The following FOXN2 variants were observed in gnomAD, a reference collection of about 807,000 sequenced individuals.
FOXN2 encodes forkhead box N2.
FOXN2 carries 19 observed loss-of-function variants against 41.2 expected under a neutral mutation model. The ratio of observed to expected loss-of-function variants is 0.46; its 90% CI spans 0.32 to 0.68. The LOEUF (loss-of-function observed/expected upper bound fraction) is 0.68, where lower values mean the gene tolerates loss of function less well. Among genes scored for constraint, FOXN2 ranks in the 30% least tolerant of loss-of-function variants. The pLI, the probability that FOXN2 is intolerant of heterozygous loss-of-function variation, is 0.03. For missense variants in FOXN2, 587 were observed against 509.4 expected (o/e 1.15, Z -1.47); for synonymous variants, 195 against 176.8 (o/e 1.10, Z -0.82).
Position 48,375,572 on chromosome 2 carries a change from GT to G in FOXN2, c.*134del. On this transcript the variant is annotated 3_prime_UTR_variant, in exon 7 of 7. Coordinates refer to ENST00000340553, the MANE Select transcript of FOXN2 (RefSeq NM_002158.4). ...ACTTATTTCTTTCAAAACATTTTTG[GT>G]TTTTGGTTTTTAAAATTTTTATTAA... 22 of 1,006,084 alleles carry G rather than the reference GT, an allele frequency of 2.2e-5. No homozygotes were observed. The South Asian group carries it at 3.3e-4, about 15-fold the overall frequency. The allele number at this position is 1,006,084 out of a possible 1,614,324, so 62.3% of individuals were successfully genotyped here. A position where few individuals can be genotyped will look rare whatever the true frequency, so the allele number is the denominator to read the frequency against.
intron 2 of FOXN2, among the ~76,000 whole-genome samples, chr2:48,337,705 G>C (rs559605216): frequency 1.6e-4 from 25 of 152,082 alleles, no homozygotes; most frequent in Non-Finnish European, 2.6e-4. Context: ...AAGAAAGCTA[G>C]TATATAATTT....
intron 2 of FOXN2, among the ~76,000 whole-genome samples, chr2:48,336,308 C>T (rs1316880194): frequency 2.7e-5 from 4 of 148,838 alleles, no homozygotes; most frequent in Non-Finnish European, 5.9e-5. Context: ...CTCAGGAGGC[C>T]GAGGCAGGAG....
rs34552828 is a variant in FOXN2 at position 48,346,481 on chromosome 2, G to A, written c.267G>A (p.Glu89=). The A allele has an allele frequency of 2.9e-4, 464 of 1,614,146 alleles. 2 individuals are homozygous for A. In the African/African-American group the frequency reaches 5.6e-3, roughly 20 times the overall value. Residue 89 remains glutamate, a synonymous_variant, in exon 3 of 7, where the codon GAG becomes GAA. Transcript: ENST00000340553. ...LPIVSPLYDI[E]GDDVPSFGPA... ...TTGTTAGTCCATTGTATGACATAGA[G>A]GGAGATGATGTGCCATCCTTTGGAC...
chr2:48,345,865 C>T (rs1671062972), intron 2 of FOXN2, among the ~76,000 whole-genome samples: 1 of 151,996 alleles, frequency 6.6e-6, no homozygotes, highest in Non-Finnish European at 1.5e-5. Flanking sequence ...ATAGCCTGTC[C>T]ACTTTAAGTA....
intron 2 of FOXN2, among the ~76,000 whole-genome samples, chr2:48,330,966 G>T (rs953136651): frequency 5.9e-5 from 9 of 152,092 alleles, no homozygotes; most frequent in African/African-American, 1.4e-4. Flanking sequence ...TCTTCCTCAG[G>T]CCCCTTGGTA....
chr2:48,317,015 T>G (rs943669869), intron 1 of FOXN2, among the ~76,000 whole-genome samples: 1 of 152,046 alleles, frequency 6.6e-6, no homozygotes, highest in African/African-American at 2.4e-5. Flanking sequence ...GAGAAATGAG[T>G]ATATATGCTA....
intron 1 of FOXN2, among the ~76,000 whole-genome samples, chr2:48,325,135 TAAAA>T (rs1242237677): frequency 6.6e-6 from 1 of 152,200 alleles, no homozygotes; most frequent in Non-Finnish European, 1.5e-5. Flanking sequence ...CTTTTGTACT[TAAAA>T]AGCAATCTAG....
intron 1 of FOXN2, among the ~76,000 whole-genome samples, chr2:48,319,519 T>C (rs921557537): frequency 1.3e-5 from 2 of 152,118 alleles, no homozygotes; most frequent in Non-Finnish European, 2.9e-5. Flanking sequence ...CAAAACACTC[T>C]TAATTTGAAC....
intron 1 of FOXN2, among the ~76,000 whole-genome samples, chr2:48,325,255 A>G (rs1248464129): frequency 6.6e-6 from 1 of 152,226 alleles, no homozygotes; most frequent in Non-Finnish European, 1.5e-5. Context: ...TTCTGCATAT[A>G]AAATAGACAC....
rs893228599 is a variant in FOXN2, at chr2:48,376,983, CTTTTAA to C, written c.*1545_*1550del. The stretch of plus-strand genomic sequence containing the variant: ...GCATTTTTTAAGAGACAAATTTTAA[CTTTTAA>C]TTTTTATTTTGGCAAAACTGTCAAA... On this transcript the variant is annotated 3_prime_UTR_variant, in exon 7 of 7. Transcript: ENST00000340553. 1.6e-4 allele frequency: 24 copies of C among 152,190 alleles called. No homozygotes were observed. The highest frequency in any genetic ancestry group is 2.9e-4 in the African/African-American group (12 of 41,558). 9.4% of individuals were successfully genotyped at this position (152,190 alleles called of 1,614,324 possible). A position where few individuals can be genotyped will look rare whatever the true frequency, so the allele number is the denominator to read the frequency against.
At chr2:48,354,511 A>G (rs1322071386) in intron 3 of FOXN2, among the ~76,000 whole-genome samples, 1 of 152,212 alleles carries the variant, frequency 6.6e-6, no homozygotes, top group Non-Finnish European at 1.5e-5. Context: ...GAGGCAGGAG[A>G]ATCACTTGAA....
rs1382291642 is a variant in FOXN2, at chr2:48,361,177, A to G, written c.639-1466A>G. Among the ~76,000 whole-genome samples the G allele has an allele frequency of 2.0e-5, 3 of 152,302 alleles. No homozygotes were observed. The East Asian group carries it at 5.8e-4, about 29-fold the overall frequency. On this transcript the variant is annotated intron_variant, in intron 4 of 6. Transcript: ENST00000340553. ...GATCTTGTGGCTTTAAAAGAAGATAAAAACTATGGTCAGGTGAGGTGGCTC... is the reference window on the plus strand; with the variant it reads ...GATCTTGTGGCTTTAAAAGAAGATAGAAACTATGGTCAGGTGAGGTGGCTC...
chr2:48,363,766 G>A (rs1431819673), intron 5 of FOXN2, among the ~76,000 whole-genome samples: 5 of 152,110 alleles, frequency 3.3e-5, no homozygotes, highest in Admixed American at 3.3e-4. Context: ...ACAGTAACAT[G>A]GTGTACAGAT....
At chr2:48,318,250 T>G (rs760394611) in intron 1 of FOXN2, among the ~76,000 whole-genome samples, 3 of 152,236 alleles carry the variant, frequency 2.0e-5, no homozygotes, top group Non-Finnish European at 4.4e-5. Flanking sequence ...ATTTCGCTAA[T>G]TTTTCCCTAA....
In FOXN2 at chr2:48,376,271, G is replaced by A. The variant is rs560682471; in HGVS notation, c.*828G>A. On this transcript the variant is annotated 3_prime_UTR_variant, in exon 7 of 7. Transcript: ENST00000340553. ...TGAGAGGATATAGCCAATTAAGTGT[G>A]TTATGGAGTACACCCATTTTGACAC... 28 of 152,196 alleles carry A rather than the reference G, an allele frequency of 1.8e-4. No individual in the cohort carries two copies. Among genetic ancestry groups the A allele is most frequent in the African/African-American group, 6.3e-4 (26 of 41,546 alleles). 9.4% of individuals were successfully genotyped at this position (152,196 alleles called of 1,614,324 possible).
chr2:48,363,735 C>G (rs766388999), intron 5 of FOXN2, among the ~76,000 whole-genome samples: 1 of 152,164 alleles, frequency 6.6e-6, no homozygotes, highest in Non-Finnish European at 1.5e-5. Flanking sequence ...ATTTGTGATA[C>G]AATTACCTAT....
In FOXN2 at chr2:48,374,943, A is replaced by T; in HGVS notation, c.796A>T (p.Thr266Ser). The T allele has an allele frequency of 6.2e-7, 1 of 1,612,706 alleles. No individual in the cohort carries two copies. Among genetic ancestry groups the T allele is most frequent in the Non-Finnish European group, 8.5e-7 (1 of 1,179,000 alleles). Residue 266 changes from threonine (T) to serine (S), a missense_variant, in exon 7 of 7, where the codon ACA (threonine) becomes TCA (serine). Physicochemically the swap from Thr to Ser is moderately conservative, Grantham distance 58. Transcript: ENST00000340553. The stretch of plus-strand genomic sequence containing the variant: ...AGGTGAGAAGCCTCTTCCTCTTAAA[A>T]CAGCATTGCAAAAAAAGAGGAGTTA... ...LECEKPLPLK[T>S]ALQKKRSYGN...
chr2:48,335,668 G>T (rs1375387634), intron 2 of FOXN2, among the ~76,000 whole-genome samples: 2 of 150,952 alleles, frequency 1.3e-5, no homozygotes, highest in Non-Finnish European at 3.0e-5. Flanking sequence ...ATCAAAGACG[G>T]TGACAATTAT....
intron 3 of FOXN2, among the ~76,000 whole-genome samples, chr2:48,358,189 A>C (rs1038715994): frequency 1.3e-5 from 2 of 151,214 alleles, no homozygotes; most frequent in African/African-American, 4.9e-5. Flanking sequence ...TTTTTTTTTC[A>C]AAATTCCCTC....
Sources: gnomAD v4.1 joint callset for allele counts (sites outside exome capture counted in the v4.1 genomes callset) on GRCh38, gnomAD v4.1.1 for gene constraint, MANE v1.5 for transcripts, NCBI Gene and HGNC (gene_info 2026-07-23, HGNC 2026-07-21) for gene names.